The following SNX24 variants were observed in gnomAD, a reference collection of about 807,000 sequenced individuals.
SNX24 encodes the protein sorting nexin 24, also known as sorting nexin-24.
Under a neutral mutation model 28.7 loss-of-function variants are expected in SNX24, and 22 were observed. The observed-to-expected ratio is 0.77, with a 90% CI of 0.55 to 1.10. The LOEUF (loss-of-function observed/expected upper bound fraction) is 1.10. Ranked by LOEUF, SNX24 falls within the 50% of genes least tolerant of loss-of-function variation. The pLI is 0.00. For synonymous variants in SNX24, 69 were observed against 71.5 expected, an observed-to-expected ratio of 0.96 and a Z score of 0.18; for missense variants, 221 against 201.1, an observed-to-expected ratio of 1.10 and a Z score of -0.60.
At chr5:122,929,417 A>G (rs1411905069) in intron 1 of SNX24, among the ~76,000 whole-genome samples, 2 of 151,788 alleles carry the variant, frequency 1.3e-5, no homozygotes, top group East Asian at 2.0e-4. Context: ...GAAGCATTTT[A>G]TATTGAGTAT....
chr5:122,987,601 G>A (rs1054476151), intron 3 of SNX24, among the ~76,000 whole-genome samples: 2 of 152,208 alleles, frequency 1.3e-5, no homozygotes, highest in South Asian at 2.1e-4. Context: ...GAGTACAGCA[G>A]AGGGAGAGAG....
intron 5 of SNX24, among the ~76,000 whole-genome samples, chr5:123,021,689 C>T (rs920601259): frequency 2.0e-5 from 3 of 152,188 alleles, no homozygotes; most frequent in Admixed American, 6.5e-5. Flanking sequence ...TCCGCAACTT[C>T]AAACAGATAA....
chr5:122,926,960 C>T (rs1165821028), intron 1 of SNX24, among the ~76,000 whole-genome samples: 2 of 152,128 alleles, frequency 1.3e-5, no homozygotes, highest in African/African-American at 4.8e-5. Context: ...TTGTTACTCT[C>T]GTGATCATTT....
chr5:122,903,659 G>A (rs1320741774), intron 1 of SNX24, among the ~76,000 whole-genome samples: 1 of 152,170 alleles, frequency 6.6e-6, no homozygotes, highest in East Asian at 1.9e-4. Context: ...TTTTGGCCAT[G>A]TGCTTAATGT....
intron 6 of SNX24, among the ~76,000 whole-genome samples, chr5:123,002,792 T>C (rs913829621): frequency 6.6e-6 from 1 of 152,246 alleles, no homozygotes; most frequent in African/African-American, 2.4e-5. Flanking sequence ...TGCAAAGAAA[T>C]TTAAATTCAT....
rs1342160766 is a variant in SNX24, at chr5:123,008,447, AC to A, written c.*700del. ...CCTTTAGAAGGGTGCCATGTTGGAA[AC>A]CTGTACATCCACAACAAGTAGCTTT... On this transcript the variant is annotated 3_prime_UTR_variant, in exon 7 of 7. Coordinates refer to ENST00000261369, the MANE Select transcript of SNX24 (RefSeq NM_014035.4). 4.6e-6 allele frequency: 1 copy of A among 219,482 alleles called. No individual in the cohort carries two copies. Among genetic ancestry groups the A allele is most frequent in the African/African-American group, 2.3e-5 (1 of 42,602 alleles). 13.6% of individuals were successfully genotyped at this position (219,482 alleles called of 1,614,324 possible).
intron 2 of SNX24, among the ~76,000 whole-genome samples, chr5:122,945,008 A>G (rs1759622369): frequency 6.6e-6 from 1 of 152,186 alleles, no homozygotes. Context: ...GCTTAAAACA[A>G]TATAAATTTA....
intron 1 of SNX24, among the ~76,000 whole-genome samples, chr5:122,855,212 C>T (rs1259256514): frequency 6.6e-6 from 1 of 152,116 alleles, no homozygotes; most frequent in Admixed American, 6.6e-5. Context: ...GCTGGGACTA[C>T]AGGTGCAGGC....
intron 2 of SNX24, among the ~76,000 whole-genome samples, chr5:122,942,847 C>T (rs987411938): frequency 6.6e-6 from 1 of 152,186 alleles, no homozygotes; most frequent in African/African-American, 2.4e-5. Flanking sequence ...TACTCACCTA[C>T]AAATGCTGTC....
intron 1 of SNX24, among the ~76,000 whole-genome samples, chr5:122,854,722 T>TA (rs2150034883): frequency 6.6e-6 from 1 of 152,302 alleles, no homozygotes; most frequent in Non-Finnish European, 1.5e-5. Context: ...CACAGGGACA[T>TA]ATATGAAGAT....
intron 3 of SNX24, among the ~76,000 whole-genome samples, chr5:122,980,354 T>A (rs1318741968): frequency 6.6e-6 from 1 of 152,158 alleles, no homozygotes; most frequent in South Asian, 2.1e-4. Context: ...TTATTCCTTA[T>A]AATGGAAATG....
At chr5:123,005,760 G>A (rs539915254) in intron 6 of SNX24, among the ~76,000 whole-genome samples, 18 of 152,286 alleles carry the variant, frequency 1.2e-4, no homozygotes, top group African/African-American at 4.3e-4. Flanking sequence ...TTCTATGTGG[G>A]AGAAATACAT....
downstream of SNX24, among the ~76,000 whole-genome samples, chr5:123,011,251 C>T (rs1762571924): frequency 6.6e-6 from 1 of 152,250 alleles, no homozygotes; most frequent in East Asian, 1.9e-4. Flanking sequence ...GATGTGGGGA[C>T]ATCATTTGTC....
At chr5:122,847,235 C>T (rs1225593596) in intron 1 of SNX24, among the ~76,000 whole-genome samples, 6 of 152,202 alleles carry the variant, frequency 3.9e-5, no homozygotes, top group Non-Finnish European at 8.8e-5. Context: ...AATTAAGGCT[C>T]ATTGCCCATT....
chr5:122,865,920 T>G (rs1485387215), intron 1 of SNX24, among the ~76,000 whole-genome samples: 2 of 152,230 alleles, frequency 1.3e-5, no homozygotes, highest in South Asian at 4.1e-4. Context: ...TTTACTCTTC[T>G]TGATATCTGA....
intron 3 of SNX24, among the ~76,000 whole-genome samples, chr5:122,991,177 G>A (rs949274113): frequency 1.3e-5 from 2 of 152,064 alleles, no homozygotes; most frequent in Non-Finnish European, 2.9e-5. Context: ...GATTACAGGT[G>A]TGAGCCACCG....
chr5:122,927,404 T>C (rs1481983764), intron 1 of SNX24, among the ~76,000 whole-genome samples: 2 of 129,586 alleles, frequency 1.5e-5, no homozygotes, highest in African/African-American at 3.0e-5. Context: ...GCTATTTATC[T>C]TTTATACTGT....
At chr5:122,991,310 C>G (rs1761839271) in intron 3 of SNX24, among the ~76,000 whole-genome samples, 1 of 152,028 alleles carries the variant, frequency 6.6e-6, no homozygotes, top group Non-Finnish European at 1.5e-5. Context: ...ATTCAATACA[C>G]AGGTAATTTA....
intron 3 of SNX24, among the ~76,000 whole-genome samples, chr5:122,974,046 A>G (rs569577445): frequency 5.9e-5 from 9 of 152,302 alleles, no homozygotes; most frequent in Admixed American, 2.0e-4. Context: ...GGGTCACTCA[A>G]TAAATGGGCT....
Sources: gnomAD v4.1 joint callset for allele counts (sites outside exome capture counted in the v4.1 genomes callset) on GRCh38, gnomAD v4.1.1 for gene constraint, MANE v1.5 for transcripts, NCBI Gene and HGNC (gene_info 2026-07-23, HGNC 2026-07-21) for gene names.